Variants in PRKCH observed in about 807,000 individuals in gnomAD.
PRKCH encodes the protein protein kinase C eta.
Under a neutral mutation model 82.5 loss-of-function variants are expected in PRKCH, and 28 were observed. That is an observed-to-expected ratio of 0.34 (90% confidence interval 0.25 to 0.47). The LOEUF (loss-of-function observed/expected upper bound fraction) is 0.47. Ranked by LOEUF, PRKCH falls within the 20% of genes least tolerant of loss-of-function variation. PRKCH has a pLI of 1.00. For missense variants in PRKCH, 705 were observed against 881.8 expected (o/e 0.80, Z 2.54); for synonymous variants, 322 against 327.4 (o/e 0.98, Z 0.18).
At chr14:61,225,341 C>T (rs1000933179) in intron 1 of PRKCH, among the ~76,000 whole-genome samples, 1 of 152,204 alleles carries the variant, frequency 6.6e-6, no homozygotes, top group Non-Finnish European at 1.5e-5. Flanking sequence ...TTGGGAAATT[C>T]ATTTTGCCTC....
intron 1 of PRKCH, among the ~76,000 whole-genome samples, chr14:61,352,805 TA>T (rs1354734519): frequency 1.3e-5 from 2 of 152,218 alleles, no homozygotes; most frequent in Non-Finnish European, 2.9e-5. Context: ...TGGTATGACC[TA>T]TTTCTGAAAT....
intron 10 of PRKCH, among the ~76,000 whole-genome samples, chr14:61,506,505 G>A (rs1457690884): frequency 1.3e-5 from 2 of 152,010 alleles, no homozygotes; most frequent in South Asian, 2.1e-4. Context: ...CTGGACTCTC[G>A]CATGAGTTTC....
chr14:61,294,432 A>G (rs2045390185), intron 1 of PRKCH, among the ~76,000 whole-genome samples: 1 of 151,782 alleles, frequency 6.6e-6, no homozygotes. Flanking sequence ...GAAGTTTTAG[A>G]TTTTTATTTA....
chr14:61,510,974 C>G (rs1391921933), intron 10 of PRKCH, among the ~76,000 whole-genome samples: 2 of 152,038 alleles, frequency 1.3e-5, no homozygotes, highest in African/African-American at 4.8e-5. Flanking sequence ...ACCAGCTATC[C>G]TATAAGGGAG....
At chr14:61,391,454 G>A (rs564623118) in intron 2 of PRKCH, among the ~76,000 whole-genome samples, 166 bp downstream of exon 2, 2 of 152,270 alleles carry the variant, frequency 1.3e-5, no homozygotes, top group South Asian at 4.1e-4. Flanking sequence ...GTGGTCTATT[G>A]GTTCAGGTTG....
intron 2 of PRKCH, among the ~76,000 whole-genome samples, chr14:61,427,726 A>G (rs1270090557): frequency 6.6e-6 from 1 of 152,036 alleles, no homozygotes; most frequent in Non-Finnish European, 1.5e-5. Context: ...AGCTGGGACT[A>G]CAGGCATGCA....
At chr14:61,338,393 C>T (rs1429727864) in intron 1 of PRKCH, among the ~76,000 whole-genome samples, 4 of 152,084 alleles carry the variant, frequency 2.6e-5, no homozygotes, top group African/African-American at 9.7e-5. Context: ...TAAGAGCTGC[C>T]TCAGGAGTAG....
At chr14:61,418,140 T>C (rs1594683896) in intron 2 of PRKCH, among the ~76,000 whole-genome samples, 1 of 152,358 alleles carries the variant, frequency 6.6e-6, no homozygotes, top group Non-Finnish European at 1.5e-5. Context: ...TGCGCTTACA[T>C]TCACACACTG....
At chr14:61,542,833 G>C (rs372556102) in intron 12 of PRKCH, among the ~76,000 whole-genome samples, 1 of 152,172 alleles carries the variant, frequency 6.6e-6, no homozygotes, top group Non-Finnish European at 1.5e-5. Flanking sequence ...ACAGCGGTGG[G>C]AACAGAGTGT....
At chr14:61,334,729 T>G (rs1458113551) in intron 1 of PRKCH, among the ~76,000 whole-genome samples, 1 of 152,158 alleles carries the variant, frequency 6.6e-6, no homozygotes, top group East Asian at 1.9e-4. Flanking sequence ...GATGATTAGT[T>G]TTTTCTTTTG....
intron 9 of PRKCH, chr14:61,463,059 C>G (rs117803885): frequency 0.011 from 1,660 of 152,298 alleles, 16 homozygotes; most frequent in Middle Eastern, 0.017. Flanking sequence ...ATGGCATTGC[C>G]CTTGGGAACA....
chr14:61,399,556 G>T (rs746345858), intron 2 of PRKCH, among the ~76,000 whole-genome samples: 2 of 152,176 alleles, frequency 1.3e-5, no homozygotes, highest in Non-Finnish European at 2.9e-5. Flanking sequence ...GTAGGAACAG[G>T]TGAGTAAGAT....
intron 2 of PRKCH, among the ~76,000 whole-genome samples, chr14:61,428,507 T>C (rs1199298246): frequency 2.0e-5 from 3 of 152,182 alleles, no homozygotes; most frequent in African/African-American, 7.2e-5. Context: ...GCTTAAAATT[T>C]TATTTTTGGT....
At chr14:61,188,527 CGG>C (rs2044381984) in intron 1 of PRKCH, among the ~76,000 whole-genome samples, 2 of 147,024 alleles carry the variant, frequency 1.4e-5, no homozygotes, top group African/African-American at 4.9e-5. Flanking sequence ...CTCCCGGCTC[CGG>C]GGTCCTGCTG....
intron 1 of PRKCH, chr14:61,281,171 G>GT: frequency 7.7e-7 from 1 of 1,293,790 alleles, no homozygotes; most frequent in Non-Finnish European, 9.8e-7. Flanking sequence ...GGACCGACGC[G>GT]CGGGCTGACC....
intron 2 of PRKCH, among the ~76,000 whole-genome samples, chr14:61,394,897 G>A (rs2046749692): frequency 2.0e-5 from 3 of 152,156 alleles, no homozygotes; most frequent in Admixed American, 1.3e-4. Flanking sequence ...GCAGCAAGAA[G>A]CCCAGTGGTC....
At chr14:61,504,349 C>T (rs1039713256) in intron 10 of PRKCH, among the ~76,000 whole-genome samples, 4 of 152,082 alleles carry the variant, frequency 2.6e-5, no homozygotes, top group Admixed American at 6.5e-5. Context: ...CCACCACCCC[C>T]GGCTAATTTT....
chr14:61,209,196 T>C (rs1292522737), intron 1 of PRKCH, among the ~76,000 whole-genome samples: 1 of 152,084 alleles, frequency 6.6e-6, no homozygotes, highest in Non-Finnish European at 1.5e-5. Context: ...TGCTATGCTC[T>C]TGGACTTCTC....
At chr14:61,235,646 G>A (rs1407132385) in intron 1 of PRKCH, among the ~76,000 whole-genome samples, 3 of 152,210 alleles carry the variant, frequency 2.0e-5, no homozygotes, top group African/African-American at 4.8e-5. Flanking sequence ...CAAAAGAGAT[G>A]CAACCACTTT....
Sources: allele counts gnomAD v4.1 joint callset (sites outside exome capture counted in the v4.1 genomes callset), GRCh38; gene constraint gnomAD v4.1.1; transcripts MANE v1.5; gene names NCBI Gene and HGNC (gene_info 2026-07-23, HGNC 2026-07-21).